STPG2: variants seen among roughly 807,000 people sequenced by gnomAD.
STPG2 encodes the protein sperm tail PG-rich repeat containing 2, also known as sperm-tail PG-rich repeat-containing protein 2.
A neutral mutation model predicts 54.2 loss-of-function variants in STPG2; 56 were observed. That is an observed-to-expected ratio of 1.03 (90% CI 0.83 to 1.29). The LOEUF (loss-of-function observed/expected upper bound fraction) is 1.29, where lower values mean the gene tolerates loss of function less well. Ranked by LOEUF, STPG2 falls within the 50% of genes most tolerant of loss-of-function variation. STPG2 has a pLI of 0.00. For missense variants in STPG2, 596 were observed against 544.9 expected, an observed-to-expected ratio of 1.09 and a Z score of -0.93; for synonymous variants, 200 against 181.8, an observed-to-expected ratio of 1.10 and a Z score of -0.81.
At chr4:98,050,706 T>C (rs1737290809) in intron 5 of STPG2, among the ~76,000 whole-genome samples, 3 of 152,154 alleles carry the variant, frequency 2.0e-5, no homozygotes, top group Admixed American at 2.0e-4. Context: ...ATCATACCAA[T>C]GTTTTTAACG....
chr4:97,949,515 T>C (rs1733385049), intron 7 of STPG2, among the ~76,000 whole-genome samples: 1 of 152,216 alleles, frequency 6.6e-6, no homozygotes, highest in Non-Finnish European at 1.5e-5. Flanking sequence ...GTGAGTTTTA[T>C]GCTTGCAAGA....
chr4:97,572,738 G>A (rs1011936819), intron 10 of STPG2: 3 of 152,112 alleles, frequency 2.0e-5, no homozygotes, highest in Non-Finnish European at 2.9e-5. Context: ...AAGGTGAATA[G>A]TACATTTAGC....
chr4:97,708,402 A>G (rs1724016912), intron 10 of STPG2, among the ~76,000 whole-genome samples: 1 of 151,992 alleles, frequency 6.6e-6, no homozygotes, highest in Non-Finnish European at 1.5e-5. Context: ...TATCCAAACC[A>G]ATGAAGTAAA....
chr4:97,528,144 A>G (rs1297271292), intron 4 of STPG2, among the ~76,000 whole-genome samples: 1 of 152,122 alleles, frequency 6.6e-6, no homozygotes, highest in Non-Finnish European at 1.5e-5. Context: ...CTTATGTTTC[A>G]ATCTTTAATC....
At chr4:97,943,045 A>C (rs1733050211) in intron 8 of STPG2, among the ~76,000 whole-genome samples, 1 of 152,168 alleles carries the variant, frequency 6.6e-6, no homozygotes, top group Admixed American at 6.5e-5. Flanking sequence ...GGAAAGTTCA[A>C]CACCAAGGCA....
intron 7 of STPG2, among the ~76,000 whole-genome samples, chr4:97,955,239 G>A (rs1159563429): frequency 7.2e-6 from 1 of 139,610 alleles, no homozygotes. Context: ...TTTTGAGACA[G>A]CATCTCACTC....
At chr4:97,735,072 C>CA (rs33999995) in intron 9 of STPG2, among the ~76,000 whole-genome samples, 115,541 of 139,480 alleles carry the variant, frequency 0.83, 47,481 homozygotes, top group Middle Eastern at 0.91. Flanking sequence ...GACATCGTCT[C>CA]AAAAAAAAAA....
At chr4:97,934,805 G>T (rs1732689035) in intron 8 of STPG2, among the ~76,000 whole-genome samples, 1 of 152,094 alleles carries the variant, frequency 6.6e-6, no homozygotes, top group Non-Finnish European at 1.5e-5. Flanking sequence ...AGGGATATTG[G>T]CCTGAAGTTT....
At chr4:98,025,737 T>A in intron 5 of STPG2, 1 of 1,543,638 alleles carries the variant, frequency 6.5e-7, no homozygotes, top group South Asian at 1.1e-5. Flanking sequence ...ATGGACAAGA[T>A]CTATGAAGGC....
rs373016542 is a variant in STPG2, at chr4:97,818,919, C to T, written c.1204+21854G>A. 6.7e-5 allele frequency among the ~76,000 whole-genome samples: 10 copies of T among 148,292 alleles called. No homozygotes were observed. In the South Asian group the frequency reaches 1.9e-3, roughly 28 times the overall value. On this transcript the variant is annotated intron_variant, in intron 9 of 10. Coordinates refer to ENST00000295268, the MANE Select transcript of STPG2 (RefSeq NM_174952.3). The stretch of plus-strand genomic sequence containing the variant: ...AAATTATGTGTAGAGAATTTACTCT[C>T]TCTGTATATATATTTATGTATCTCT...
chr4:98,044,008 G>A (rs541665729), intron 5 of STPG2, among the ~76,000 whole-genome samples: 224 of 151,904 alleles, frequency 1.5e-3, no homozygotes, highest in African/African-American at 5.3e-3. Context: ...CCACTTATAT[G>A]TGAGGACAAA....
chr4:97,917,958 T>A (rs1016285819), intron 8 of STPG2, among the ~76,000 whole-genome samples: 6 of 152,152 alleles, frequency 3.9e-5, no homozygotes, highest in African/African-American at 1.4e-4. Flanking sequence ...TATAAAAGTA[T>A]GTACTGAGAA....
intron 10 of STPG2, among the ~76,000 whole-genome samples, chr4:97,599,536 C>A (rs1326154480): frequency 1.3e-5 from 2 of 151,960 alleles, no homozygotes; most frequent in East Asian, 3.9e-4. Flanking sequence ...AAATGTGGTA[C>A]ATATAGGCCG....
intron 8 of STPG2, among the ~76,000 whole-genome samples, chr4:97,897,847 C>G (rs1456242284): frequency 6.6e-6 from 1 of 152,176 alleles, no homozygotes. Flanking sequence ...TCCTCCCATT[C>G]TGTAGGTTGT....
intron 7 of STPG2, among the ~76,000 whole-genome samples, chr4:97,966,512 A>T (rs2149252277): frequency 6.6e-6 from 1 of 152,326 alleles, no homozygotes; most frequent in African/African-American, 2.4e-5. Flanking sequence ...CAAATTCAGG[A>T]AATACAGAGA....
At chr4:97,990,842 G>A (rs1218554275) in intron 5 of STPG2, among the ~76,000 whole-genome samples, 2 of 152,058 alleles carry the variant, frequency 1.3e-5, no homozygotes. Flanking sequence ...TATGTGCAGG[G>A]ATTGGAAAAC....
chr4:97,925,669 G>A (rs1378739711), intron 8 of STPG2, among the ~76,000 whole-genome samples: 2 of 152,134 alleles, frequency 1.3e-5, no homozygotes, highest in Non-Finnish European at 1.5e-5. Context: ...AGAAAGAAGT[G>A]AGAGTAACAA....
intron 5 of STPG2, among the ~76,000 whole-genome samples, chr4:98,005,290 C>T (rs1735543176): frequency 6.6e-6 from 1 of 152,238 alleles, no homozygotes; most frequent in South Asian, 2.1e-4. Context: ...AAATGTTAAT[C>T]TCCTTTGGCA....
chr4:97,595,085 C>T (rs1032021010), intron 10 of STPG2, among the ~76,000 whole-genome samples: 4 of 152,178 alleles, frequency 2.6e-5, no homozygotes, highest in African/African-American at 7.2e-5. Flanking sequence ...TTTGACTCAG[C>T]AATCTCATTA....
Sources: gnomAD v4.1 joint callset for allele counts (sites outside exome capture counted in the v4.1 genomes callset) on GRCh38, gnomAD v4.1.1 for gene constraint, MANE v1.5 for transcripts, NCBI Gene and HGNC (gene_info 2026-07-23, HGNC 2026-07-21) for gene names.